Variants in MAN1C1 observed in about 807,000 individuals in gnomAD.
MAN1C1 encodes the protein mannosidase alpha class 1C member 1.
MAN1C1 carries 49 observed loss-of-function variants against 71.5 expected under a neutral mutation model. That is an observed-to-expected ratio of 0.69 (90% CI 0.54 to 0.87). MAN1C1 has a LOEUF of 0.87. Ranked by LOEUF, MAN1C1 falls within the 40% of genes least tolerant of loss-of-function variation. The probability of loss-of-function intolerance (pLI) is 0.00; values close to 1 mark genes in which losing one functional copy is unlikely to be tolerated. For missense variants in MAN1C1, 743 were observed against 835.0 expected, an observed-to-expected ratio of 0.89 and a Z score of 1.36; for synonymous variants, 352 against 343.7, an observed-to-expected ratio of 1.02 and a Z score of -0.27.
rs1344096551 is a variant in MAN1C1 at position 25,764,974 on chromosome 1, G to A, written c.1141+1007G>A. Among the ~76,000 whole-genome samples the A allele has an allele frequency of 6.6e-6, 1 of 152,076 alleles. No individual in the cohort carries two copies. The highest frequency in any genetic ancestry group is 2.4e-5 in the African/African-American group (1 of 41,422). On this transcript the variant is annotated intron_variant, in intron 7 of 11. Coordinates refer to ENST00000374332, the MANE Select transcript of MAN1C1 (RefSeq NM_020379.4). This position sits in a 1 kb window ranked among gnomAD's most constrained non-coding sequence, Gnocchi z 4.4. ...GAGGCAGGAGAATCGCTTGAACCCG[G>A]GAGGCGGAGGTTGCAGTGAGCCAAG...
intron 1 of MAN1C1, among the ~76,000 whole-genome samples, chr1:25,647,270 G>A (rs1230005978): frequency 1.3e-5 from 2 of 152,166 alleles, no homozygotes; most frequent in African/African-American, 4.8e-5. Context: ...TTGGGAGCAT[G>A]TGGTGGGAAG....
chr1:25,772,051 C>T (rs776075677), intron 8 of MAN1C1: 31 of 383,160 alleles, frequency 8.1e-5, no homozygotes, highest in Admixed American at 1.7e-4. Flanking sequence ...GGGAAGTGAC[C>T]GTCAGTCTGA....
At chr1:25,745,116 C>T (rs1362111372) in intron 2 of MAN1C1, among the ~76,000 whole-genome samples, 3 of 152,214 alleles carry the variant, frequency 2.0e-5, no homozygotes, top group African/African-American at 7.2e-5. Context: ...GCAAAAGGCT[C>T]TGGTTGTGCC....
chr1:25,644,912 G>A (rs775852749), intron 1 of MAN1C1: 2 of 152,154 alleles, frequency 1.3e-5, no homozygotes, highest in African/African-American at 2.4e-5. Flanking sequence ...GATGGAAAGG[G>A]AGAGGGCTCA....
At chr1:25,717,332 G>A (rs533795862) in intron 2 of MAN1C1, among the ~76,000 whole-genome samples, 9 of 152,090 alleles carry the variant, frequency 5.9e-5, no homozygotes, top group East Asian at 3.9e-4. Flanking sequence ...TCAACATGGC[G>A]AAACCCTGTC....
chr1:25,622,536 A>G (rs2045230236), intron 1 of MAN1C1, among the ~76,000 whole-genome samples: 1 of 152,252 alleles, frequency 6.6e-6, no homozygotes, highest in Non-Finnish European at 1.5e-5. Flanking sequence ...GGACCCTCAC[A>G]GTAAGAGCTG....
rs768545925 is a variant in MAN1C1 at position 25,783,821 on chromosome 1, G to C, written c.*32G>C. The C allele has an allele frequency of 1.4e-4, 228 of 1,600,402 alleles. 1 individual carries two copies. In the Middle Eastern group the frequency reaches 1.8e-3, roughly 13 times the overall value. ...CTCCTGCCGCCGCCCTGGGGCCGCC[G>C]CAGGGATGCCTTGCCTTTTCAGGAT... On this transcript the variant is annotated 3_prime_UTR_variant, in exon 12 of 12. Transcript: ENST00000374332.
intron 2 of MAN1C1, among the ~76,000 whole-genome samples, chr1:25,701,809 C>T (rs746247103): frequency 5.3e-5 from 8 of 152,222 alleles, no homozygotes; most frequent in South Asian, 2.1e-4. Flanking sequence ...CCTGCAATCC[C>T]GGCACTTTGG....
rs1343139431 is a variant in MAN1C1, at chr1:25,735,494, ATGTG to A, written c.638-11170_638-11167del. Among the ~76,000 whole-genome samples the A allele has an allele frequency of 6.6e-6, 1 of 152,096 alleles. No homozygotes were observed. The highest frequency in any genetic ancestry group is 1.5e-5 in the Non-Finnish European group (1 of 68,008). On this transcript the variant is annotated intron_variant, in intron 2 of 11. Transcript: ENST00000374332. The surrounding 1 kb of genome is among the most constrained non-coding windows in gnomAD (Gnocchi z 4.6). ...TATGTGTATGTATATATGTGTGTAT[ATGTG>A]TGTATGTATGTGTGTGTATATATAT...
chr1:25,731,226 G>A (rs371918816), intron 2 of MAN1C1, among the ~76,000 whole-genome samples: 1 of 152,198 alleles, frequency 6.6e-6, no homozygotes, highest in African/African-American at 2.4e-5. Flanking sequence ...GGAGGATCAC[G>A]TGAGCCCAGG....
intron 2 of MAN1C1, among the ~76,000 whole-genome samples, chr1:25,739,602 C>A (rs970630936): frequency 1.3e-5 from 2 of 152,102 alleles, no homozygotes; most frequent in African/African-American, 4.8e-5. Context: ...GGATACAGAC[C>A]GTGATCCAGG....
intron 1 of MAN1C1, among the ~76,000 whole-genome samples, chr1:25,642,739 G>A (rs2045554387): frequency 1.3e-5 from 2 of 152,192 alleles, no homozygotes; most frequent in African/African-American, 2.4e-5. Flanking sequence ...TAGCCTAAGA[G>A]CATTCATAGA....
intron 1 of MAN1C1, among the ~76,000 whole-genome samples, chr1:25,651,927 T>C (rs2045698444): frequency 1.3e-5 from 2 of 152,102 alleles, no homozygotes; most frequent in African/African-American, 4.8e-5. Context: ...TGGGTGCTTG[T>C]GAATGAGGAG....
chr1:25,764,831 C>T lies in MAN1C1; in HGVS notation c.1141+864C>T, dbSNP rs1056217379. ...ACGGGAGGCCGAGGCAGGCGGATCA[C>T]GAGGTCAGGAGTTCTAGACCAGCCT... On this transcript the variant is annotated intron_variant, in intron 7 of 11. Coordinates refer to ENST00000374332, the MANE Select transcript of MAN1C1 (RefSeq NM_020379.4). This position sits in a 1 kb window ranked among gnomAD's most constrained non-coding sequence, Gnocchi z 4.4. 1.6e-4 allele frequency among the ~76,000 whole-genome samples: 24 copies of T among 152,156 alleles called. No homozygotes were observed. The Middle Eastern group carries it at 0.01, about 65-fold the overall frequency.
chr1:25,765,841 A>C (rs2047419774), intron 7 of MAN1C1, among the ~76,000 whole-genome samples: 1 of 152,188 alleles, frequency 6.6e-6, no homozygotes, highest in South Asian at 2.1e-4. Flanking sequence ...CCTCACCCCA[A>C]GTGGCCTCCC....
At chr1:25,719,147 T>G (rs1572172287) in intron 2 of MAN1C1, among the ~76,000 whole-genome samples, 1 of 149,330 alleles carries the variant, frequency 6.7e-6, no homozygotes, top group African/African-American at 2.4e-5. Flanking sequence ...ATCTTGGCTG[T>G]CTGCAACCTC....
At chr1:25,707,884 C>A (rs1202421759) in intron 2 of MAN1C1, among the ~76,000 whole-genome samples, 1 of 152,186 alleles carries the variant, frequency 6.6e-6, no homozygotes, top group Non-Finnish European at 1.5e-5. Context: ...CTGCCTGGGG[C>A]AAGGATTGTG....
At chr1:25,638,407 ACAGT>A (rs2045493136) in intron 1 of MAN1C1, among the ~76,000 whole-genome samples, 1 of 152,184 alleles carries the variant, frequency 6.6e-6, no homozygotes, top group Non-Finnish European at 1.5e-5. Context: ...TTTGCTTTAA[ACAGT>A]CAGTTGTCTT....
At chr1:25,755,439 G>A (rs895690662) in intron 5 of MAN1C1, among the ~76,000 whole-genome samples, 2 of 152,196 alleles carry the variant, frequency 1.3e-5, no homozygotes, top group African/African-American at 4.8e-5. Context: ...AGACATGCTG[G>A]CATCCATACA....
Sources: gnomAD v4.1 joint callset for allele counts (sites outside exome capture counted in the v4.1 genomes callset) on GRCh38, gnomAD v4.1.1 for gene constraint, Gnocchi (gnomAD v3.1) non-coding constraint, MANE v1.5 for transcripts, NCBI Gene and HGNC (gene_info 2026-07-23, HGNC 2026-07-21) for gene names.